The following PLPPR1 variants were observed in gnomAD, a reference collection of about 807,000 sequenced individuals.
PLPPR1 encodes phospholipid phosphatase-related protein type 1.
In PLPPR1, 10 loss-of-function variants were observed where a neutral mutation model predicts 33.1. The ratio of observed to expected loss-of-function variants is 0.30; its 90% CI spans 0.19 to 0.51. PLPPR1 has a LOEUF of 0.51. Among genes scored for constraint, PLPPR1 ranks in the 20% least tolerant of loss-of-function variants. The pLI is 0.97. For synonymous variants in PLPPR1, 151 were observed against 151.0 expected, an observed-to-expected ratio of 1.00 and a Z score of 0.00; for missense variants, 304 against 408.1, an observed-to-expected ratio of 0.74 and a Z score of 2.20.
intron 1 of PLPPR1, among the ~76,000 whole-genome samples, chr9:101,112,585 C>T (rs1469423461): frequency 6.6e-6 from 1 of 152,214 alleles, no homozygotes; most frequent in African/African-American, 2.4e-5. Flanking sequence ...AATTCCTTCC[C>T]TCCACATGCA....
chr9:101,234,475 C>T (rs975201491), intron 2 of PLPPR1, among the ~76,000 whole-genome samples: 8 of 151,730 alleles, frequency 5.3e-5, no homozygotes, highest in African/African-American at 1.9e-4. Context: ...AGCCAATAGC[C>T]CTCCCTTTTA....
At chr9:101,238,293 C>CTATATATATATA (rs1307945596) in intron 2 of PLPPR1, among the ~76,000 whole-genome samples, 2 of 130,350 alleles carry the variant, frequency 1.5e-5, no homozygotes, top group South Asian at 2.5e-4. Context: ...TATACATACC[C>CTATATATATATA]TATATATATA....
chr9:101,142,860 A>G (rs1162487513), intron 1 of PLPPR1, among the ~76,000 whole-genome samples: 2 of 152,142 alleles, frequency 1.3e-5, no homozygotes, highest in African/African-American at 4.8e-5. Context: ...TCAGATTGTG[A>G]TAAGTACTAT....
intron 2 of PLPPR1, among the ~76,000 whole-genome samples, chr9:101,189,449 G>A (rs548765739): frequency 5.9e-5 from 9 of 152,166 alleles, no homozygotes; most frequent in South Asian, 2.1e-4. Context: ...GATGGTAAAC[G>A]CTGGTCAACT....
At chr9:101,229,081 G>A (rs1023979336) in intron 2 of PLPPR1, among the ~76,000 whole-genome samples, 1 of 152,090 alleles carries the variant, frequency 6.6e-6, no homozygotes, top group African/African-American at 2.4e-5. Context: ...TAAAAAAGTT[G>A]TTAGGTCTGC....
At chr9:101,113,206 C>CT (rs34152471) in intron 1 of PLPPR1, among the ~76,000 whole-genome samples, 6,393 of 144,260 alleles carry the variant, frequency 0.044, 228 homozygotes, top group African/African-American at 0.1. Flanking sequence ...CATATTAATC[C>CT]TTTTTTTTTT....
intron 1 of PLPPR1, among the ~76,000 whole-genome samples, chr9:101,055,341 G>T (rs1286612136): frequency 6.6e-6 from 1 of 152,154 alleles, no homozygotes; most frequent in African/African-American, 2.4e-5. Flanking sequence ...CCAAATAATA[G>T]GCTATGAAAT....
chr9:101,095,844 A>G (rs952319895), intron 1 of PLPPR1, among the ~76,000 whole-genome samples: 1 of 152,124 alleles, frequency 6.6e-6, no homozygotes, highest in African/African-American at 2.4e-5. Context: ...TTCTCAATCA[A>G]TACTCTTTGC....
At chr9:101,267,745 T>G (rs1307520474) in intron 2 of PLPPR1, among the ~76,000 whole-genome samples, 3 of 152,208 alleles carry the variant, frequency 2.0e-5, no homozygotes, top group Admixed American at 6.5e-5. Context: ...CATGCCTGTA[T>G]AATCCTAGCA....
At chr9:101,298,454 C>A (rs940874822) in intron 4 of PLPPR1, among the ~76,000 whole-genome samples, 4 of 151,930 alleles carry the variant, frequency 2.6e-5, no homozygotes, top group Non-Finnish European at 5.9e-5. Flanking sequence ...AAGGTCATGG[C>A]GTTTTATGGT....
At chr9:101,233,168 T>G (rs1183269028) in intron 2 of PLPPR1, among the ~76,000 whole-genome samples, 1 of 152,060 alleles carries the variant, frequency 6.6e-6, no homozygotes, top group African/African-American at 2.4e-5. Context: ...ACTCAACATA[T>G]ATTTCATTTA....
intron 7 of PLPPR1, among the ~76,000 whole-genome samples, chr9:101,323,108 T>TA (rs1829185885): frequency 6.6e-6 from 1 of 152,222 alleles, no homozygotes; most frequent in Non-Finnish European, 1.5e-5. Flanking sequence ...AACATTACAT[T>TA]AAAAATGTGC....
intron 2 of PLPPR1, among the ~76,000 whole-genome samples, chr9:101,203,519 A>C (rs563659492): frequency 2.8e-3 from 427 of 152,206 alleles, no homozygotes; most frequent in Non-Finnish European, 4.3e-3. Context: ...TAAAATGTAC[A>C]TATTGAACAC....
intron 1 of PLPPR1, among the ~76,000 whole-genome samples, chr9:101,066,339 T>C (rs1275526242): frequency 1.3e-5 from 2 of 152,006 alleles, no homozygotes; most frequent in African/African-American, 4.8e-5. Context: ...TGAGATAGTA[T>C]GTGTCAGATT....
At chr9:101,237,852 G>GTATA (rs1332940848) in intron 2 of PLPPR1, among the ~76,000 whole-genome samples, 2 of 122,658 alleles carry the variant, frequency 1.6e-5, no homozygotes, top group African/African-American at 6.6e-5. Context: ...ATATGTGTGT[G>GTATA]TGTATATATA....
chr9:101,164,271 T>C lies in PLPPR1; in HGVS notation c.-45-21179T>C, dbSNP rs183408824. Reference sequence around the variant, plus strand: ...ACTCTCTGTAAATGTTTCTCATCTATAAAATGCAGTTTATAATTGGATCTA... The same window carrying C: ...ACTCTCTGTAAATGTTTCTCATCTACAAAATGCAGTTTATAATTGGATCTA... On this transcript the variant is annotated intron_variant, in intron 1 of 7. Coordinates refer to ENST00000374874, the MANE Select transcript of PLPPR1 (RefSeq NM_207299.2). 5.9e-5 allele frequency among the ~76,000 whole-genome samples: 9 copies of C among 152,312 alleles called. No individual in the cohort carries two copies. In the East Asian group the frequency reaches 1.5e-3, roughly 26 times the overall value.
intron 5 of PLPPR1, among the ~76,000 whole-genome samples, chr9:101,312,219 A>T (rs929201711): frequency 4.6e-5 from 7 of 152,222 alleles, no homozygotes; most frequent in African/African-American, 1.7e-4. Context: ...CACAGCTGAA[A>T]CCTATTTATG....
rs539898690 is a variant in PLPPR1, at chr9:101,178,730, GA to G, written c.-45-6719del. On this transcript the variant is annotated intron_variant, in intron 1 of 7. Coordinates refer to ENST00000374874, the MANE Select transcript of PLPPR1 (RefSeq NM_207299.2). ...GACAATACTTTGCAGGGCTGGGGCA[GA>G]GTTCGCCAGAAGGCCATGTATGCTC... Among the ~76,000 whole-genome samples, 309 of 152,278 alleles carry G rather than the reference GA, an allele frequency of 2.0e-3. 2 individuals are homozygous for G. The highest frequency in any genetic ancestry group is 6.7e-3 in the African/African-American group (278 of 41,570).
intron 2 of PLPPR1, among the ~76,000 whole-genome samples, chr9:101,196,850 G>T (rs1203151307): frequency 6.6e-6 from 1 of 150,796 alleles, no homozygotes; most frequent in Non-Finnish European, 1.5e-5. Flanking sequence ...GGGCGACAGA[G>T]CAAGACTCTG....
Sources: allele counts gnomAD v4.1 joint callset (sites outside exome capture counted in the v4.1 genomes callset), GRCh38; gene constraint gnomAD v4.1.1; transcripts MANE v1.5; gene names NCBI Gene and HGNC (gene_info 2026-07-23, HGNC 2026-07-21).